Variants in ZBTB20 observed in about 807,000 individuals in gnomAD.
ZBTB20 encodes the protein zinc finger and BTB domain containing 20.
In ZBTB20, 9 loss-of-function variants were observed where a neutral mutation model predicts 56.9. That is an observed-to-expected ratio of 0.16 (90% CI 0.10 to 0.28). The LOEUF (loss-of-function observed/expected upper bound fraction) is 0.28, where lower values mean the gene tolerates loss of function less well. ZBTB20 is among the 10% of genes least tolerant of loss of function. The pLI is 1.00. For synonymous variants in ZBTB20, 417 were observed against 420.7 expected, an observed-to-expected ratio of 0.99 and a Z score of 0.11; for missense variants, 655 against 1,003.0, an observed-to-expected ratio of 0.65 and a Z score of 4.69.
intron 7 of ZBTB20, among the ~76,000 whole-genome samples, chr3:114,449,556 C>CAACAAAACAA (rs547928397): frequency 1.3e-5 from 2 of 151,304 alleles, no homozygotes; most frequent in African/African-American, 4.9e-5. Context: ...GCGATGACAA[C>CAACAAAACAA]AACAAAACAA....
At chr3:114,623,950 T>C (rs1414465658) in intron 6 of ZBTB20, among the ~76,000 whole-genome samples, 5 of 152,218 alleles carry the variant, frequency 3.3e-5, no homozygotes, top group African/African-American at 7.2e-5. Context: ...GTGCTCTAAG[T>C]TGTGCCCGCT....
Position 114,329,722 on chromosome 3 carries a change from A to AC in ZBTB20, c.*9282_*9283insG, listed in dbSNP as rs1309554298. 55 of 141,430 alleles carry AC rather than the reference A, an allele frequency of 3.9e-4. 1 individual carries two copies. The highest frequency in any genetic ancestry group is 1.4e-3 in the South Asian group (6 of 4,220). The allele number at this position is 141,430 out of a possible 1,614,324, so 8.8% of individuals were successfully genotyped here. On this transcript the variant is annotated 3_prime_UTR_variant, in exon 12 of 12. Transcript: ENST00000675478. ...TTACTTTTTTTGGAAAAAAAAAAAAAAAAAAAAAAAAAAAACAACTCCCAG... is the reference window on the plus strand; with the variant it reads ...TTACTTTTTTTGGAAAAAAAAAAAAACAAAAAAAAAAAAAAACAACTCCCAG...
At chr3:114,837,915 A>C (rs1376543330) in intron 4 of ZBTB20, among the ~76,000 whole-genome samples, 3 of 152,214 alleles carry the variant, frequency 2.0e-5, no homozygotes, top group Non-Finnish European at 4.4e-5. Context: ...ATTAATTTAA[A>C]AAATGACTCT....
chr3:114,900,028 C>A (rs2075044940), intron 4 of ZBTB20, among the ~76,000 whole-genome samples: 1 of 152,104 alleles, frequency 6.6e-6, no homozygotes, highest in Admixed American at 6.6e-5. Context: ...TTTAATAGTA[C>A]AATTCCATAA....
rs537352368 is a variant in ZBTB20 at position 114,704,980 on chromosome 3, T to C, written c.-342-11405A>G. ...ACTCAGGGTCAGGCACTGTTCTAAA[T>C]ATTCTATATGTACTATACCATTTAA... is the stretch of plus-strand genomic sequence containing the variant. On this transcript the variant is annotated intron_variant, in intron 5 of 11. Transcript: ENST00000675478. 6.6e-5 allele frequency among the ~76,000 whole-genome samples: 10 copies of C among 152,298 alleles called. No individual in the cohort carries two copies. In the South Asian group the frequency reaches 2.1e-3, roughly 32 times the overall value.
At chr3:114,527,055 T>C (rs1344839832) in intron 6 of ZBTB20, among the ~76,000 whole-genome samples, 2 of 152,196 alleles carry the variant, frequency 1.3e-5, no homozygotes, top group Non-Finnish European at 2.9e-5. Flanking sequence ...TGATTGAAGC[T>C]GCTCTATGAA....
chr3:115,108,221 C>T (rs901482454), intron 1 of ZBTB20, among the ~76,000 whole-genome samples: 7 of 151,904 alleles, frequency 4.6e-5, no homozygotes, highest in African/African-American at 7.3e-5. Flanking sequence ...TTCAGCTTGC[C>T]TTCACATTTC....
intron 6 of ZBTB20, among the ~76,000 whole-genome samples, chr3:114,508,715 A>AAG (rs950918165): frequency 6.6e-6 from 1 of 152,034 alleles, no homozygotes; most frequent in African/African-American, 2.4e-5. Context: ...AAATGAATTC[A>AAG]AGAGAGAGAG....
intron 2 of ZBTB20, among the ~76,000 whole-genome samples, chr3:114,992,862 T>G (rs973099811): frequency 6.6e-6 from 1 of 151,860 alleles, no homozygotes; most frequent in East Asian, 1.9e-4. Flanking sequence ...ATTGCATTAT[T>G]TGGGACAGAA....
intron 4 of ZBTB20, among the ~76,000 whole-genome samples, chr3:114,849,898 C>T (rs796604155): frequency 1.8e-4 from 21 of 114,856 alleles, no homozygotes; most frequent in South Asian, 3.0e-4. Flanking sequence ...ATCAGGAAAT[C>T]TTTTTTTTTT....
chr3:114,348,260 T>C (rs578209482), intron 11 of ZBTB20, among the ~76,000 whole-genome samples: 66 of 152,344 alleles, frequency 4.3e-4, no homozygotes, highest in Non-Finnish European at 8.8e-4. Context: ...AAGGAGATAC[T>C]TTCACAGATG....
At chr3:114,444,658 A>C (rs2091152927) in intron 7 of ZBTB20, among the ~76,000 whole-genome samples, 1 of 152,088 alleles carries the variant, frequency 6.6e-6, no homozygotes, top group Non-Finnish European at 1.5e-5. Flanking sequence ...AAGTTTTCTT[A>C]TTGGCAAAAT....
At chr3:114,748,439 T>C (rs1405919540) in intron 5 of ZBTB20, among the ~76,000 whole-genome samples, 1 of 151,422 alleles carries the variant, frequency 6.6e-6, no homozygotes, top group Non-Finnish European at 1.5e-5. Context: ...TCTTTCTTTC[T>C]AGCTAAAATT....
intron 7 of ZBTB20, among the ~76,000 whole-genome samples, chr3:114,458,945 C>T (rs968688109): frequency 1.1e-4 from 17 of 152,032 alleles, no homozygotes; most frequent in Admixed American, 1.1e-3. Flanking sequence ...AACATGTACA[C>T]AAATAGGTAA....
chr3:114,757,362 T>C (rs1193389844), intron 5 of ZBTB20, among the ~76,000 whole-genome samples: 1 of 152,204 alleles, frequency 6.6e-6, no homozygotes, highest in Non-Finnish European at 1.5e-5. Context: ...ACTAATAAGA[T>C]ATACTTAGCA....
At chr3:114,646,154 GT>G (rs897156539) in intron 6 of ZBTB20, among the ~76,000 whole-genome samples, 2 of 144,474 alleles carry the variant, frequency 1.4e-5, no homozygotes, top group South Asian at 2.2e-4. Context: ...AAAAAGAAGC[GT>G]TATGTGAAAA....
At chr3:114,569,539 C>A (rs2053185328) in intron 6 of ZBTB20, among the ~76,000 whole-genome samples, 1 of 152,198 alleles carries the variant, frequency 6.6e-6, no homozygotes, top group Non-Finnish European at 1.5e-5. Context: ...TCAGTCAGGT[C>A]TCCTGGATTA....
intron 6 of ZBTB20, among the ~76,000 whole-genome samples, chr3:114,614,996 G>T (rs923674875): frequency 6.6e-6 from 1 of 152,122 alleles, no homozygotes; most frequent in African/African-American, 2.4e-5. Context: ...GACCTCAGGT[G>T]ATCTGCCTGC....
At chr3:114,622,967 C>G (rs1288496289) in intron 6 of ZBTB20, among the ~76,000 whole-genome samples, 1 of 152,222 alleles carries the variant, frequency 6.6e-6, no homozygotes. Context: ...AAGACTCCCC[C>G]TCTTTCCAAA....
Sources: gnomAD v4.1 joint callset for allele counts (sites outside exome capture counted in the v4.1 genomes callset) on GRCh38, gnomAD v4.1.1 for gene constraint, MANE v1.5 for transcripts, NCBI Gene and HGNC (gene_info 2026-07-23, HGNC 2026-07-21) for gene names.